Variants in ASPH observed in about 807,000 individuals in gnomAD.
The protein encoded by ASPH is aspartate beta-hydroxylase.
A neutral mutation model predicts 118.4 loss-of-function variants in ASPH; 100 were observed. That is an observed-to-expected ratio of 0.84 (90% CI 0.72 to 1.00). ASPH has a LOEUF of 1.00. ASPH is among the 50% of genes least tolerant of loss of function. The pLI is 0.00. For missense variants in ASPH, 920 were observed against 919.5 expected, an observed-to-expected ratio of 1.00 and a Z score of -0.01; for synonymous variants, 315 against 325.6, an observed-to-expected ratio of 0.97 and a Z score of 0.35.
chr8:61,661,003 T>C (rs1366459700), intron 3 of ASPH: 1 of 152,354 alleles, frequency 6.6e-6, no homozygotes, highest in African/African-American at 2.4e-5. Flanking sequence ...CTTAAGGCTA[T>C]AGTTTATTTC....
chr8:61,591,931 C>A (rs1293631111), intron 14 of ASPH, among the ~76,000 whole-genome samples: 1 of 152,180 alleles, frequency 6.6e-6, no homozygotes, highest in Non-Finnish European at 1.5e-5. Flanking sequence ...AGTAGCTGAA[C>A]TTTGTATTAC....
At chr8:61,695,569 A>C (rs1833728082) in intron 1 of ASPH, among the ~76,000 whole-genome samples, 1 of 152,180 alleles carries the variant, frequency 6.6e-6, no homozygotes, top group Non-Finnish European at 1.5e-5. Context: ...CACCTCCTCA[A>C]GGAAGCCTTC....
chr8:61,659,342 A>C (rs1241958359), intron 3 of ASPH: 1 of 152,206 alleles, frequency 6.6e-6, no homozygotes, highest in East Asian at 1.9e-4. Context: ...GGTGTTATAT[A>C]ATTATCAAAA....
At chr8:61,689,974 TC>T in intron 1 of ASPH, 1 of 689,468 alleles carries the variant, frequency 1.5e-6, no homozygotes, top group Non-Finnish European at 1.9e-6. Flanking sequence ...GGGATTCTTT[TC>T]CCAGTTGGTC....
At chr8:61,644,498 T>G in intron 7 of ASPH, 102 bp downstream of exon 7, 1 of 764,296 alleles carries the variant, frequency 1.3e-6, no homozygotes, top group Non-Finnish European at 1.9e-6. Context: ...CTTGCATATA[T>G]TAATTTAAAT....
intron 14 of ASPH, chr8:61,606,924 T>C: frequency 4.7e-6 from 1 of 213,560 alleles, no homozygotes. Flanking sequence ...CATACTTCAG[T>C]ATCTGGGTTC....
At chr8:61,688,174 T>C (rs1324985925) in intron 1 of ASPH, among the ~76,000 whole-genome samples, 1 of 152,164 alleles carries the variant, frequency 6.6e-6, no homozygotes, top group Non-Finnish European at 1.5e-5. Flanking sequence ...GAAGAACATC[T>C]AGTAGATGTC....
chr8:61,701,213 C>T (rs1015776930), intron 1 of ASPH, among the ~76,000 whole-genome samples: 10 of 152,242 alleles, frequency 6.6e-5, no homozygotes, highest in South Asian at 4.1e-4. Context: ...ATTGAAAATA[C>T]GAATAAGCAT....
intron 6 of ASPH, among the ~76,000 whole-genome samples, chr8:61,645,918 C>T (rs1157954735): frequency 6.6e-6 from 1 of 152,232 alleles, no homozygotes; most frequent in African/African-American, 2.4e-5. Flanking sequence ...CACACAATGG[C>T]TCATGCCTGC....
intron 20 of ASPH, among the ~76,000 whole-genome samples, chr8:61,552,614 A>G (rs2131095020): frequency 6.6e-6 from 1 of 152,374 alleles, no homozygotes; most frequent in South Asian, 2.1e-4. Flanking sequence ...GAATCTAGTC[A>G]AACTGTTAAA....
intron 1 of ASPH, among the ~76,000 whole-genome samples, chr8:61,700,297 GC>G (rs1222794411): frequency 6.6e-6 from 1 of 152,162 alleles, no homozygotes; most frequent in African/African-American, 2.4e-5. Flanking sequence ...CCCCAGCACA[GC>G]CCCAAAGGCA....
intron 1 of ASPH, among the ~76,000 whole-genome samples, chr8:61,695,402 C>G (rs1216180581): frequency 6.6e-6 from 1 of 152,190 alleles, no homozygotes; most frequent in Non-Finnish European, 1.5e-5. Context: ...TGTTGTGTCA[C>G]CCCCCTAGCT....
chr8:61,503,540 T>C (rs367738169), intron 24 of ASPH, 31 bp from the exon 25 acceptor site: 10 of 1,585,526 alleles, frequency 6.3e-6, no homozygotes, highest in South Asian at 2.3e-5. Context: ...TTCCTGAATA[T>C]AGTTTTGTGT....
intron 14 of ASPH, among the ~76,000 whole-genome samples, chr8:61,605,811 C>T (rs994000573): frequency 6.6e-6 from 1 of 151,968 alleles, no homozygotes; most frequent in Non-Finnish European, 1.5e-5. Context: ...TTCCATGACG[C>T]TAGTACCAAT....
rs533968529 is a variant in ASPH, at chr8:61,700,291, A to C, written c.103+13978T>G. ...GGGGCCTCACCCCCTTTTCCTCCCC[A>C]GCACAGCCCCAAAGGCAAACCACAG... is the stretch of plus-strand genomic sequence containing the variant. On this transcript the variant is annotated intron_variant, in intron 1 of 24. Coordinates refer to ENST00000379454, the MANE Select transcript of ASPH (RefSeq NM_004318.4). Among the ~76,000 whole-genome samples the C allele has an allele frequency of 2.9e-3, 448 of 152,332 alleles. 2 individuals are homozygous for C. Among genetic ancestry groups the C allele is most frequent in the Non-Finnish European group, 3.2e-3 (219 of 68,026 alleles).
chr8:61,513,094 C>T (rs1380116903), intron 24 of ASPH, among the ~76,000 whole-genome samples: 2 of 152,186 alleles, frequency 1.3e-5, no homozygotes, highest in Admixed American at 1.3e-4. Context: ...TGGTGGAAAT[C>T]TTAATCCGAT....
At chr8:61,505,840 C>T (rs1016502159) in intron 24 of ASPH, among the ~76,000 whole-genome samples, 6 of 152,096 alleles carry the variant, frequency 3.9e-5, no homozygotes, top group South Asian at 2.1e-4. Flanking sequence ...AAAACCAAGG[C>T]GGGGAAATAC....
intron 14 of ASPH, among the ~76,000 whole-genome samples, chr8:61,590,729 C>T (rs889576656): frequency 6.6e-6 from 1 of 152,148 alleles, no homozygotes; most frequent in African/African-American, 2.4e-5. Flanking sequence ...TTTTCCTCTT[C>T]TATTAATTTC....
chr8:61,563,195 T>TC (rs1554638053), intron 17 of ASPH, among the ~76,000 whole-genome samples: 2 of 149,650 alleles, frequency 1.3e-5, no homozygotes, highest in African/African-American at 2.4e-5. Flanking sequence ...AATTCCTCGT[T>TC]AAAAAAAAAA....
Sources: allele counts gnomAD v4.1 joint callset (sites outside exome capture counted in the v4.1 genomes callset), GRCh38; gene constraint gnomAD v4.1.1; transcripts MANE v1.5; gene names NCBI Gene and HGNC (gene_info 2026-07-23, HGNC 2026-07-21).